Variants in VAV2 observed in about 807,000 individuals in gnomAD.
The protein encoded by VAV2 is vav guanine nucleotide exchange factor 2.
Under a neutral mutation model 132.5 loss-of-function variants are expected in VAV2, and 67 were observed. That is an observed-to-expected ratio of 0.51 (90% CI 0.42 to 0.62). The LOEUF is 0.62. Among genes scored for constraint, VAV2 ranks in the 20% least tolerant of loss-of-function variants. VAV2 has a pLI of 0.00. For missense variants in VAV2, 938 were observed against 1,153.6 expected (o/e 0.81, Z 2.71); for synonymous variants, 492 against 443.5 (o/e 1.11, Z -1.37).
intron 4 of VAV2, among the ~76,000 whole-genome samples, chr9:133,821,707 C>T (rs189914181): frequency 1.3e-5 from 2 of 152,338 alleles, no homozygotes; most frequent in Non-Finnish European, 2.9e-5. Context: ...TTAGTTCCTG[C>T]TCAGCTGTGT....
At chr9:133,982,868 G>C (rs1445051289) in intron 1 of VAV2, among the ~76,000 whole-genome samples, 1 of 152,216 alleles carries the variant, frequency 6.6e-6, no homozygotes. Context: ...TTTCATGGGA[G>C]CATTGCCACG....
intron 4 of VAV2, among the ~76,000 whole-genome samples, chr9:133,829,182 T>G (rs1335988681): frequency 6.6e-6 from 1 of 152,272 alleles, no homozygotes; most frequent in Admixed American, 6.5e-5. Context: ...TGCAAGGTAC[T>G]GATTATTAGA....
At chr9:133,772,451 T>C (rs1263417893) in intron 25 of VAV2, among the ~76,000 whole-genome samples, 2 of 152,170 alleles carry the variant, frequency 1.3e-5, no homozygotes, top group African/African-American at 2.4e-5. Context: ...CGGCCAGGCC[T>C]CGGGCCTGCT....
At chr9:133,979,284 C>G (rs1208690272) in intron 1 of VAV2, among the ~76,000 whole-genome samples, 1 of 152,210 alleles carries the variant, frequency 6.6e-6, no homozygotes, top group African/African-American at 2.4e-5. Flanking sequence ...GCGGAGAATG[C>G]AGGGTCCAGA....
intron 6 of VAV2, among the ~76,000 whole-genome samples, chr9:133,809,714 G>T (rs1440856715): frequency 6.6e-6 from 1 of 152,232 alleles, no homozygotes; most frequent in Admixed American, 6.5e-5. Context: ...TCCAGAGCAG[G>T]GCCTGCCCCC....
intron 4 of VAV2, among the ~76,000 whole-genome samples, chr9:133,814,454 G>A (rs901482641): frequency 2.0e-5 from 3 of 152,246 alleles, no homozygotes; most frequent in Non-Finnish European, 4.4e-5. Context: ...AGCTGGAGGC[G>A]AGGCGAGACA....
intron 2 of VAV2, among the ~76,000 whole-genome samples, chr9:133,867,961 G>A (rs1306514344): frequency 6.6e-6 from 1 of 152,224 alleles, no homozygotes; most frequent in Non-Finnish European, 1.5e-5. Flanking sequence ...GCTCAGACAG[G>A]GATCTGAGGT....
chr9:133,780,019 T>C, intron 20 of VAV2, 80 bp from the exon 21 acceptor site: 2 of 1,580,930 alleles, frequency 1.3e-6, no homozygotes, highest in African/African-American at 1.3e-5. Flanking sequence ...CACCCCGCCC[T>C]CCCTGTCCCC....
At chr9:133,877,350 G>A (rs1050333467) in intron 2 of VAV2, among the ~76,000 whole-genome samples, 5 of 152,164 alleles carry the variant, frequency 3.3e-5, no homozygotes, top group African/African-American at 7.2e-5. Flanking sequence ...CTGGCCAGGC[G>A]GACAAGCCCA....
intron 2 of VAV2, among the ~76,000 whole-genome samples, chr9:133,908,061 C>T (rs977444331): frequency 1.5e-5 from 2 of 134,284 alleles, no homozygotes; most frequent in African/African-American, 5.7e-5. Context: ...CCCACGCCCC[C>T]TACCTTCTCT....
At chr9:133,772,526 T>C (rs1047496196) in intron 25 of VAV2, among the ~76,000 whole-genome samples, 2 of 152,126 alleles carry the variant, frequency 1.3e-5, no homozygotes, top group Middle Eastern at 3.4e-3. Flanking sequence ...TGCCAGACAC[T>C]AACCTCCTTC....
chr9:133,788,802 C>T lies in VAV2; in HGVS notation c.1275-316G>A, dbSNP rs1466701821. 6.6e-6 allele frequency among the ~76,000 whole-genome samples: 1 copy of T among 152,210 alleles called. No homozygotes were observed. The highest frequency in any genetic ancestry group is 1.5e-5 in the Non-Finnish European group (1 of 68,024). On this transcript the variant is annotated intron_variant, in intron 14 of 29. Coordinates refer to ENST00000371850, the MANE Select transcript of VAV2 (RefSeq NM_001134398.2). The surrounding 1 kb of genome is among the most constrained non-coding windows in gnomAD (Gnocchi z 5.3). The stretch of plus-strand genomic sequence containing the variant: ...CCCGACGGCTACTCCCAGTTGATCC[C>T]GCGCTGGACTGGGAGCCTCAAGAGG...
chr9:133,779,897 G>T (rs1564337766), intron 21 of VAV2, 21 bp downstream of exon 21: 2 of 1,610,338 alleles, frequency 1.2e-6, no homozygotes, highest in Non-Finnish European at 1.7e-6. Context: ...ATAGCAGAGG[G>T]CCCAGGTCCA....
At chr9:133,958,656 T>A (rs1389961599) in intron 1 of VAV2, among the ~76,000 whole-genome samples, 4 of 151,762 alleles carry the variant, frequency 2.6e-5, no homozygotes, top group South Asian at 4.2e-4. Context: ...CTCTATACTT[T>A]GTATCTGTGT....
intron 1 of VAV2, among the ~76,000 whole-genome samples, chr9:133,943,660 C>A (rs1004277845): frequency 6.6e-6 from 1 of 152,204 alleles, no homozygotes. Context: ...GGGGTCCCCA[C>A]TGTGTTTGTT....
In VAV2 at chr9:133,939,012, G is replaced by T. The variant is rs1363383441; in HGVS notation, c.321+91C>A. 3.3e-6 allele frequency: 4 copies of T among 1,195,554 alleles called. No individual in the cohort carries two copies. The East Asian group carries it at 7.0e-5, about 21-fold the overall frequency. 74.1% of individuals were successfully genotyped at this position (1,195,554 alleles called of 1,614,324 possible). On this transcript the variant is annotated intron_variant, in intron 2 of 29. Coordinates refer to ENST00000371850, the MANE Select transcript of VAV2 (RefSeq NM_001134398.2). ...ACTGGCTCTGTGTTGGAGCCAATCA[G>T]GCTGCTCCATGGATCTGGCCCACCT... is the stretch of plus-strand genomic sequence containing the variant.
In VAV2 at chr9:133,788,351, C is replaced by T; in HGVS notation, c.1407+3G>A. On this transcript the variant is annotated splice_donor_region_variant and intron_variant, in intron 15 of 29. Coordinates refer to ENST00000371850, the MANE Select transcript of VAV2 (RefSeq NM_001134398.2). The surrounding 1 kb of genome is among the most constrained non-coding windows in gnomAD (Gnocchi z 5.3). ...GTAGCAGGGGGGACCCGGAAGGCCC[C>T]ACCTTCTTGACGTCCTTGTTGTTCA... 6.2e-7 allele frequency: 1 copy of T among 1,602,966 alleles called. No homozygotes were observed.
At chr9:133,956,370 G>A (rs1167596747) in intron 1 of VAV2, among the ~76,000 whole-genome samples, 1 of 152,196 alleles carries the variant, frequency 6.6e-6, no homozygotes, top group Non-Finnish European at 1.5e-5. Context: ...TCAGCTGTGG[G>A]GTTGGGCCCA....
intron 2 of VAV2, among the ~76,000 whole-genome samples, chr9:133,905,880 A>C (rs1313887560): frequency 6.6e-6 from 1 of 152,040 alleles, no homozygotes; most frequent in Non-Finnish European, 1.5e-5. Context: ...CTACAAAAAA[A>C]AATACAGAAA....
Sources: allele counts gnomAD v4.1 joint callset (sites outside exome capture counted in the v4.1 genomes callset), GRCh38; gene constraint gnomAD v4.1.1; non-coding constraint Gnocchi (gnomAD v3.1); transcripts MANE v1.5; gene names NCBI Gene and HGNC (gene_info 2026-07-23, HGNC 2026-07-21).